DKK3: variants seen among roughly 807,000 people sequenced by gnomAD.
DKK3 encodes dickkopf Wnt signaling pathway inhibitor 3.
A neutral mutation model predicts 33.2 loss-of-function variants in DKK3; 22 were observed. The ratio of observed to expected loss-of-function variants is 0.66; its 90% confidence interval spans 0.47 to 0.95. The LOEUF is 0.95. Ranked by LOEUF, DKK3 falls within the 40% of genes least tolerant of loss-of-function variation. The probability of loss-of-function intolerance (pLI) is 0.00; values close to 1 mark genes in which losing one functional copy is unlikely to be tolerated. For synonymous variants in DKK3, 194 were observed against 188.8 expected (o/e 1.03, Z -0.23); for missense variants, 398 against 458.4 (o/e 0.87, Z 1.20).
Position 11,964,534 on chromosome 11 carries a change from A to G in DKK3, c.983T>C (p.Leu328Pro). The change falls in exon 7 of 7, where the codon CTG (leucine) becomes CCG (proline). Residue 328 changes from leucine to proline, a missense_variant. Transcript: ENST00000683431. ...RQELEDLERS[L>P]TEEMALREPA... ...CTCCCTCAGCGCCATCTCTTCAGTC[A>G]GGCTCCTCTCCAGGTCCTCCAGCTC... 1 of 1,614,106 alleles carries G rather than the reference A, an allele frequency of 6.2e-7. No homozygotes were observed. The highest frequency in any genetic ancestry group is 8.5e-7 in the Non-Finnish European group (1 of 1,180,026).
rs537963724 is a variant in DKK3 at position 11,976,619 on chromosome 11, G to A, written c.436-8132C>T. Among the ~76,000 whole-genome samples the A allele has an allele frequency of 1.2e-4, 19 of 152,348 alleles. No homozygotes were observed. In the South Asian group the frequency reaches 3.7e-3, roughly 30 times the overall value. On this transcript the variant is annotated intron_variant, in intron 3 of 6. Transcript: ENST00000683431. ...GGTCGGGGCCCCAGCCAGGGGGCAGGAGGTGGCAGTGTGAGGCAGGAGGGA... is the reference window on the plus strand; with the variant it reads ...GGTCGGGGCCCCAGCCAGGGGGCAGAAGGTGGCAGTGTGAGGCAGGAGGGA...
At chr11:11,994,688 C>T (rs1848254681) in intron 3 of DKK3, 1 of 152,222 alleles carries the variant, frequency 6.6e-6, no homozygotes, top group African/African-American at 2.4e-5. Flanking sequence ...AAAACAAAGC[C>T]AGCACCCCAC....
In DKK3 at chr11:11,963,248, A is replaced by G. The variant is rs946028014; in HGVS notation, c.*1216T>C. On this transcript the variant is annotated 3_prime_UTR_variant, in exon 7 of 7. Coordinates refer to ENST00000683431, the MANE Select transcript of DKK3 (RefSeq NM_001018057.2). ...GATGAATACATGGTGGCAACAGTCC[A>G]TGACACCTGAAAACATCATTTGTGG... 1 of 152,674 alleles carries G rather than the reference A, an allele frequency of 6.5e-6. No homozygotes were observed. The highest frequency in any genetic ancestry group is 6.5e-5 in the Admixed American group (1 of 15,280). The allele number at this position is 152,674 out of a possible 1,614,324, so 9.5% of individuals were successfully genotyped here.
At chr11:11,998,384 G>T (rs1188948599) in intron 3 of DKK3, 3 of 460,224 alleles carry the variant, frequency 6.5e-6, no homozygotes, top group African/African-American at 2.0e-5. Context: ...GATATACCAG[G>T]TCTGTCACCA....
chr11:12,009,098 C>T, upstream of DKK3: 1 of 985,850 alleles, frequency 1.0e-6, no homozygotes, highest in Non-Finnish European at 1.2e-6. Context: ...TACTCGAGCG[C>T]CCCGCCCCAC....
intron 6 of DKK3, 64 bp downstream of exon 6, chr11:11,965,745 G>T: frequency 6.4e-7 from 1 of 1,566,300 alleles, no homozygotes. Flanking sequence ...CTGCTCCTAC[G>T]CCCCTGCTGG....
chr11:11,964,772 C>T, intron 6 of DKK3, 86 bp from the exon 7 acceptor site: 1 of 1,537,868 alleles, frequency 6.5e-7, no homozygotes, highest in Non-Finnish European at 8.7e-7. Context: ...TGTGGGGCTC[C>T]CAGCCTCACC....
rs1195432326 is a variant in DKK3 at position 11,971,418 on chromosome 11, C to T, written c.436-2931G>A. On this transcript the variant is annotated intron_variant, in intron 3 of 6. Coordinates refer to ENST00000683431, the MANE Select transcript of DKK3 (RefSeq NM_001018057.2). ...TTCTGTAAAGCAGAATAATACCACA[C>T]TCATGCCTGTGCCCAGTACTGTGGC... 2.6e-5 allele frequency among the ~76,000 whole-genome samples: 4 copies of T among 152,210 alleles called. No homozygotes were observed. In the East Asian group the frequency reaches 7.7e-4, roughly 29 times the overall value.
rs1847508594 is a variant in DKK3, at chr11:11,963,584, T to C, written c.*880A>G. The C allele has an allele frequency of 6.8e-6, 1 of 147,468 alleles. No homozygotes were observed. The highest frequency in any genetic ancestry group is 1.5e-5 in the Non-Finnish European group (1 of 65,414). 9.1% of individuals were successfully genotyped at this position (147,468 alleles called of 1,614,324 possible). A position where few individuals can be genotyped will look rare whatever the true frequency, so the allele number is the denominator to read the frequency against. ...GTGAGAACACTGCTGTTCCTAACAG[T>C]AGTTTACTTTTAGAGGGATGTGAGA... On this transcript the variant is annotated 3_prime_UTR_variant, in exon 7 of 7. Transcript: ENST00000683431.
intron 3 of DKK3, among the ~76,000 whole-genome samples, chr11:11,976,610 AG>A (rs1178663783): frequency 6.6e-6 from 1 of 152,184 alleles, no homozygotes; most frequent in Non-Finnish European, 1.5e-5. Context: ...GGCCCCAGCC[AG>A]GGGGCAGGAG....
Position 11,966,859 on chromosome 11 carries a change from G to A in DKK3, c.673+95C>T, listed in dbSNP as rs749129934. 7.9e-5 allele frequency: 122 copies of A among 1,539,530 alleles called. No individual in the cohort carries two copies. The Middle Eastern group carries it at 1.2e-3, about 16-fold the overall frequency. Reference sequence around the variant, plus strand: ...GGAGCCTATCCAAGAGGTGGGACGCGAAACCATGTGGTTGGCATGGACGTG... The same window carrying A: ...GGAGCCTATCCAAGAGGTGGGACGCAAAACCATGTGGTTGGCATGGACGTG... On this transcript the variant is annotated intron_variant, in intron 5 of 6. Coordinates refer to ENST00000683431, the MANE Select transcript of DKK3 (RefSeq NM_001018057.2).
chr11:11,995,650 G>A (rs566298812), intron 3 of DKK3, among the ~76,000 whole-genome samples: 11 of 152,310 alleles, frequency 7.2e-5, no homozygotes, highest in Non-Finnish European at 1.5e-4. Context: ...AAATAAAAGT[G>A]TCCTATTAAT....
At chr11:11,976,324 G>A (rs1489399504) in intron 3 of DKK3, among the ~76,000 whole-genome samples, 3 of 152,198 alleles carry the variant, frequency 2.0e-5, no homozygotes, top group Non-Finnish European at 1.5e-5. Flanking sequence ...TACCAACAAG[G>A]ACAAGGAGGC....
rs189373475 is a variant in DKK3, at chr11:11,963,351, A to G, written c.*1113T>C. The G allele has an allele frequency of 1.2e-4, 18 of 152,458 alleles. No individual in the cohort carries two copies. Among genetic ancestry groups the G allele is most frequent in the Admixed American group, 2.6e-4 (4 of 15,304 alleles). The allele number at this position is 152,458 out of a possible 1,614,324, so 9.4% of individuals were successfully genotyped here. On this transcript the variant is annotated 3_prime_UTR_variant, in exon 7 of 7. Coordinates refer to ENST00000683431, the MANE Select transcript of DKK3 (RefSeq NM_001018057.2). ...AGCCCTGCTCGGTTTGATTTTCTCC[A>G]CGTGGTTGATAATTGTCTTCAGTTG...
At chr11:11,965,187 C>G (rs1306779124) in intron 6 of DKK3, among the ~76,000 whole-genome samples, 1 of 152,216 alleles carries the variant, frequency 6.6e-6, no homozygotes, top group Non-Finnish European at 1.5e-5. Context: ...AACTCTTGGC[C>G]TCAAGCAATC....
At chr11:11,992,514 C>T (rs975626941) in intron 3 of DKK3, among the ~76,000 whole-genome samples, 1 of 152,240 alleles carries the variant, frequency 6.6e-6, no homozygotes, top group African/African-American at 2.4e-5. Context: ...CATCAGCCGC[C>T]TCACATAGAC....
chr11:11,987,283 TATG>T lies in DKK3; in HGVS notation c.435+11410_435+11412del, dbSNP rs1848090300. Among the ~76,000 whole-genome samples, 5 of 152,162 alleles carry T rather than the reference TATG, an allele frequency of 3.3e-5. No homozygotes were observed. The South Asian group carries it at 1.0e-3, about 32-fold the overall frequency. On this transcript the variant is annotated intron_variant, in intron 3 of 6. Coordinates refer to ENST00000683431, the MANE Select transcript of DKK3 (RefSeq NM_001018057.2). The stretch of plus-strand genomic sequence containing the variant: ...CCTCTCAATTATTAATTTTTTGAGA[TATG>T]ATAAAAACAAGGGCACCAAGACCCT...
At chr11:12,004,506 A>C (rs1848498463) in intron 1 of DKK3, among the ~76,000 whole-genome samples, 3 of 152,232 alleles carry the variant, frequency 2.0e-5, no homozygotes, top group Admixed American at 1.3e-4. Flanking sequence ...CCACTGGATG[A>C]GTCAAGTCAT....
chr11:11,988,473 C>T (rs572372054), intron 3 of DKK3, among the ~76,000 whole-genome samples: 13 of 152,342 alleles, frequency 8.5e-5, no homozygotes, highest in Middle Eastern at 3.4e-3. Flanking sequence ...GAAGAGGAGA[C>T]GGTGTGACTG....
Sources: allele counts gnomAD v4.1 joint callset (sites outside exome capture counted in the v4.1 genomes callset), GRCh38; gene constraint gnomAD v4.1.1; transcripts MANE v1.5; gene names NCBI Gene and HGNC (gene_info 2026-07-23, HGNC 2026-07-21).